Variants in TMCC3 observed in about 807,000 individuals in gnomAD.
TMCC3 encodes the protein transmembrane and coiled-coil domain protein 3.
In TMCC3, 28 loss-of-function variants were observed where a neutral mutation model predicts 40.2. The ratio of observed to expected loss-of-function variants is 0.70; its 90% CI spans 0.52 to 0.95. The LOEUF is 0.95. TMCC3 is among the 40% of genes least tolerant of loss of function. The probability of loss-of-function intolerance (pLI) is 0.00; values close to 1 mark genes in which losing one functional copy is unlikely to be tolerated. For synonymous variants in TMCC3, 255 were observed against 248.5 expected (o/e 1.03, Z -0.25); for missense variants, 554 against 615.2 (o/e 0.90, Z 1.05).
At chr12:94,629,497 GC>G (rs577191928) in intron 1 of TMCC3, among the ~76,000 whole-genome samples, 22 of 152,192 alleles carry the variant, frequency 1.4e-4, no homozygotes, top group Non-Finnish European at 2.4e-4. Flanking sequence ...TGATCTCAGG[GC>G]CTCGCACAGT....
chr12:94,593,429 A>AAGAAGAAAG (rs1310375077), intron 1 of TMCC3, among the ~76,000 whole-genome samples: 2 of 107,988 alleles, frequency 1.9e-5, no homozygotes, highest in African/African-American at 6.9e-5. Flanking sequence ...AGAAGGAAGA[A>AAGAAGAAAG]GAAGGAGAAG....
At chr12:94,579,924 G>A (rs1426295894) in intron 2 of TMCC3, among the ~76,000 whole-genome samples, 2 of 152,124 alleles carry the variant, frequency 1.3e-5, no homozygotes, top group African/African-American at 4.8e-5. Flanking sequence ...AGACTATTTC[G>A]ATAGAACTGA....
At chr12:94,590,264 T>TC (rs1349123647) in intron 1 of TMCC3, among the ~76,000 whole-genome samples, 1 of 145,242 alleles carries the variant, frequency 6.9e-6, no homozygotes, top group East Asian at 2.0e-4. Flanking sequence ...CTGCTAATTT[T>TC]TTTTTTTTTT....
rs139004611 is a variant in TMCC3, at chr12:94,635,068, C to G, written c.78+15285G>C. 4.6e-3 allele frequency among the ~76,000 whole-genome samples: 703 copies of G among 152,296 alleles called. 2 individuals carry two copies. Among genetic ancestry groups the G allele is most frequent in the Non-Finnish European group, 7.5e-3 (511 of 68,032 alleles). ...CAGGTGGACCGTTCAATAATTAACA[C>G]AAGCGCATCTAGTGATATTTAGGAA... On this transcript the variant is annotated intron_variant, in intron 1 of 3. Coordinates refer to ENST00000261226, the MANE Select transcript of TMCC3 (RefSeq NM_020698.4).
At chr12:94,640,679 C>T (rs149050493) in intron 1 of TMCC3, among the ~76,000 whole-genome samples, 324 of 152,260 alleles carry the variant, frequency 2.1e-3, no homozygotes, top group African/African-American at 7.6e-3. Flanking sequence ...TGGGAAACTG[C>T]GGTAGACCAC....
At chr12:94,646,756 A>ATTTTTT (rs751029088) in intron 1 of TMCC3, among the ~76,000 whole-genome samples, 1 of 119,204 alleles carries the variant, frequency 8.4e-6, no homozygotes, top group Admixed American at 7.9e-5. Flanking sequence ...TTTTTTTTAA[A>ATTTTTT]AAACAAATAC....
At chr12:94,627,100 G>T (rs1018266579) in intron 1 of TMCC3, among the ~76,000 whole-genome samples, 1 of 151,964 alleles carries the variant, frequency 6.6e-6, no homozygotes, top group Non-Finnish European at 1.5e-5. Flanking sequence ...GACCTCAAGT[G>T]ATCTGCCCAC....
At chr12:94,615,018 C>G (rs577024915) in intron 1 of TMCC3, among the ~76,000 whole-genome samples, 3 of 152,128 alleles carry the variant, frequency 2.0e-5, no homozygotes, top group Non-Finnish European at 4.4e-5. Context: ...CCCTCCTCTC[C>G]CACCCCCAGG....
At chr12:94,636,208 G>A (rs1457208751) in intron 1 of TMCC3, among the ~76,000 whole-genome samples, 2 of 151,982 alleles carry the variant, frequency 1.3e-5, no homozygotes, top group African/African-American at 4.8e-5. Flanking sequence ...ATCTGAAAAG[G>A]AATTGAATAA....
chr12:94,572,827 G>A (rs1192925734), intron 3 of TMCC3, among the ~76,000 whole-genome samples: 1 of 152,102 alleles, frequency 6.6e-6, no homozygotes, highest in Non-Finnish European at 1.5e-5. Context: ...GAGAAGGGAG[G>A]GGAAGGGACT....
rs1566315971 is a variant in TMCC3, at chr12:94,582,419, G to A, written c.198C>T (p.Leu66=). ...TTTTTTGCTTCAGGCTGTCTGCAGT[G>A]AGTTTGACCTTGTGGAAGTCCAGGA... ...DGILDFHKVK[L]TADSLKQKIL... Residue 66 remains leucine (L), a synonymous_variant, in exon 2 of 4, where the codon CTC becomes CTT. Transcript: ENST00000261226. The A allele has an allele frequency of 6.2e-7, 1 of 1,613,850 alleles. No homozygotes were observed. Among genetic ancestry groups the A allele is most frequent in the Non-Finnish European group, 8.5e-7 (1 of 1,180,030 alleles).
chr12:94,637,085 T>A (rs1245596076), intron 1 of TMCC3, among the ~76,000 whole-genome samples: 2 of 152,198 alleles, frequency 1.3e-5, no homozygotes, highest in Non-Finnish European at 2.9e-5. Context: ...AAAATGTACT[T>A]GCAAAGCAAT....
At chr12:94,579,270 G>A (rs4761484) in intron 2 of TMCC3, among the ~76,000 whole-genome samples, 80,275 of 151,998 alleles carry the variant, frequency 0.53, 21,336 homozygotes, top group Admixed American at 0.56. Context: ...ACTCTGGGAG[G>A]CCAAGGCAGG....
chr12:94,589,981 C>T (rs1353901554), intron 1 of TMCC3, among the ~76,000 whole-genome samples: 4 of 152,072 alleles, frequency 2.6e-5, no homozygotes, highest in Admixed American at 6.5e-5. Flanking sequence ...ATCTGGGCTT[C>T]GTTTAGACTA....
At position 94,571,711 on chromosome 12, in the gene TMCC3, G is replaced by C; in HGVS notation, c.1158C>G (p.Arg386=). 6.2e-7 allele frequency: 1 copy of C among 1,614,100 alleles called. No homozygotes were observed. The highest frequency in any genetic ancestry group is 8.5e-7 in the Non-Finnish European group (1 of 1,180,002). Residue 386 remains arginine (R), a synonymous_variant, in exon 4 of 4, where the codon CGC becomes CGG. Transcript: ENST00000261226. ...IQEALESCQT[R]ISKLELHQQE... is the part of the protein sequence containing the mutation. ...GCTGGTGGAGCTCCAGCTTAGAAAT[G>C]CGAGTCTGGCAGGATTCCAAGGCTT... is the stretch of plus-strand genomic sequence containing the variant.
At chr12:94,650,310 C>G (rs1463596945) in intron 1 of TMCC3, 43 bp downstream of exon 1, 7 of 1,202,374 alleles carry the variant, frequency 5.8e-6, no homozygotes, top group Non-Finnish European at 6.2e-6. Flanking sequence ...GCCTCGCCCC[C>G]GGGCCCGCGC....
intron 1 of TMCC3, among the ~76,000 whole-genome samples, chr12:94,607,395 G>A (rs2068790026): frequency 6.6e-6 from 1 of 152,180 alleles, no homozygotes; most frequent in South Asian, 2.1e-4. Flanking sequence ...GAAATTACAA[G>A]AGTATTATTA....
intron 1 of TMCC3, among the ~76,000 whole-genome samples, chr12:94,633,887 G>A (rs2068946260): frequency 1.3e-5 from 2 of 151,640 alleles, no homozygotes; most frequent in East Asian, 1.9e-4. Context: ...CATAATCTTT[G>A]TATTCAGATT....
In TMCC3 at chr12:94,605,760, G is replaced by C. The variant is rs781571029; in HGVS notation, c.79-23222C>G. Among the ~76,000 whole-genome samples the C allele has an allele frequency of 1.6e-4, 25 of 152,272 alleles. No homozygotes were observed. The Middle Eastern group carries it at 0.01, about 62-fold the overall frequency. On this transcript the variant is annotated intron_variant, in intron 1 of 3. Coordinates refer to ENST00000261226, the MANE Select transcript of TMCC3 (RefSeq NM_020698.4). ...TCACCTACGATGAACAAAATGGCAG[G>C]ACTTAAAGATGACTTTCCTGAAGAG...
Sources: gnomAD v4.1 joint callset for allele counts (sites outside exome capture counted in the v4.1 genomes callset) on GRCh38, gnomAD v4.1.1 for gene constraint, MANE v1.5 for transcripts, NCBI Gene and HGNC (gene_info 2026-07-23, HGNC 2026-07-21) for gene names.